The following LMNB2 variants were observed in gnomAD, a reference collection of about 807,000 sequenced individuals.
LMNB2 encodes lamin B2, also known as lamin-B2.
In LMNB2, 17 loss-of-function variants were observed where a neutral mutation model predicts 69.3. That is an observed-to-expected ratio of 0.25 (90% CI 0.17 to 0.37). LMNB2 has a LOEUF of 0.37. Ranked by LOEUF, LMNB2 falls within the 10% of genes least tolerant of loss-of-function variation. LMNB2 has a pLI of 1.00. For missense variants in LMNB2, 789 were observed against 883.6 expected, an observed-to-expected ratio of 0.89 and a Z score of 1.36; for synonymous variants, 397 against 389.3, an observed-to-expected ratio of 1.02 and a Z score of -0.23.
chr19:2,449,222 A>G (rs1971992173), intron 1 of LMNB2, among the ~76,000 whole-genome samples: 1 of 152,176 alleles, frequency 6.6e-6, no homozygotes, highest in African/African-American at 2.4e-5. Flanking sequence ...ATGCTCACAT[A>G]CTTACCATTG....
intron 4 of LMNB2, 22 bp from the exon 5 acceptor site, chr19:2,435,193 C>G (rs1186546998): frequency 6.3e-7 from 1 of 1,598,196 alleles, no homozygotes; most frequent in Non-Finnish European, 8.5e-7. Context: ...GGCTTCGTGA[C>G]CCTCTGGTCC....
rs1440075723 is a variant in LMNB2 at position 2,434,905 on chromosome 19, G to A, written c.864C>T (p.Ser288=). ...LEQTYQAKLD[S]AKLSSDQNDK... ...CGTTCTGGTCAGAGCTCAGCTTGGC[G>A]CTGTCCAGCTGTGGGGAGACGGGCG... The change falls in exon 6 of 12, where the codon AGC becomes AGT. Residue 288 remains serine, a synonymous_variant. Transcript: ENST00000325327. 2.3e-5 allele frequency: 37 copies of A among 1,603,422 alleles called. 1 individual carries two copies. The highest frequency in any genetic ancestry group is 4.5e-5 in the East Asian group (2 of 44,774).
Position 2,434,122 on chromosome 19 carries a change from G to C in LMNB2, c.1203-17C>G, listed in dbSNP as rs1437274132. On this transcript the variant is annotated splice_polypyrimidine_tract_variant and intron_variant, in intron 7 of 11. Transcript: ENST00000325327. ...AGCTTCAGCCTGTGGGGAAGGCAAG[G>C]AAGGTGGGACTGGTAGTGGGAGCCC... The C allele has an allele frequency of 6.3e-7, 1 of 1,575,444 alleles. No individual in the cohort carries two copies. Among genetic ancestry groups the C allele is most frequent in the African/African-American group, 1.3e-5 (1 of 74,266 alleles).
At chr19:2,440,616 A>G (rs978106737) in intron 2 of LMNB2, among the ~76,000 whole-genome samples, 1 of 150,464 alleles carries the variant, frequency 6.6e-6, no homozygotes, top group Non-Finnish European at 1.5e-5. Context: ...CCATCCACCC[A>G]TCATCCATCC....
chr19:2,435,839 C>T (rs1486387245), intron 4 of LMNB2, among the ~76,000 whole-genome samples: 1 of 151,988 alleles, frequency 6.6e-6, no homozygotes, highest in Non-Finnish European at 1.5e-5. Context: ...AAGTGACTCT[C>T]TCTTATAAAA....
In LMNB2 at chr19:2,430,704, AG is replaced by A. The variant is rs1457155090; in HGVS notation, c.*206del. The A allele has an allele frequency of 1.4e-5, 9 of 646,860 alleles. No individual in the cohort carries two copies. The highest frequency in any genetic ancestry group is 2.6e-5 in the Non-Finnish European group (9 of 351,552). 40.1% of individuals were successfully genotyped at this position (646,860 alleles called of 1,614,324 possible). On this transcript the variant is annotated 3_prime_UTR_variant, in exon 12 of 12. Coordinates refer to ENST00000325327, the MANE Select transcript of LMNB2 (RefSeq NM_032737.4). ...GATGAGGAGTGGGGTGGGATTGAAA[AG>A]TCTCCGGGGCAGCGGCGAAGTGGCA...
At chr19:2,444,104 CA>C (rs1971927431) in intron 2 of LMNB2, among the ~76,000 whole-genome samples, 1 of 152,198 alleles carries the variant, frequency 6.6e-6, no homozygotes, top group Admixed American at 6.5e-5. Context: ...AGCGCGTGTG[CA>C]CACTAAGGAG....
At chr19:2,433,454 G>A (rs374031647) in intron 8 of LMNB2, among the ~76,000 whole-genome samples, 24 of 26,540 alleles carry the variant, frequency 9.0e-4, no homozygotes, top group Middle Eastern at 0.022. Flanking sequence ...CCTGACCCTG[G>A]TCACCCCCAT....
chr19:2,446,016 T>C (rs1374339024), intron 1 of LMNB2, among the ~76,000 whole-genome samples: 3 of 21,074 alleles, frequency 1.4e-4, no homozygotes, highest in Non-Finnish European at 1.6e-4. Context: ...CCCCACCAGC[T>C]GCCCCCACCT....
Position 2,443,112 on chromosome 19 carries a change from G to A in LMNB2, c.401+1292C>T, listed in dbSNP as rs376892335. On this transcript the variant is annotated intron_variant, in intron 2 of 11. Transcript: ENST00000325327. The surrounding 1 kb of genome is among the most constrained non-coding windows in gnomAD (Gnocchi z 6.2). ...CAGAGCTGCTGCCTGAGCAGGTCCCGGGGTGCACCTGTGCTGTGTGGGATG... is the reference window on the plus strand; with the variant it reads ...CAGAGCTGCTGCCTGAGCAGGTCCCAGGGTGCACCTGTGCTGTGTGGGATG... Among the ~76,000 whole-genome samples the A allele has an allele frequency of 6.6e-6, 1 of 152,216 alleles. No homozygotes were observed. Among genetic ancestry groups the A allele is most frequent in the Non-Finnish European group, 1.5e-5 (1 of 68,028 alleles).
At chr19:2,450,440 CAACTTTGG>C (rs76998027) in intron 1 of LMNB2, among the ~76,000 whole-genome samples, 11,119 of 151,788 alleles carry the variant, frequency 0.073, 623 homozygotes, top group East Asian at 0.28. Flanking sequence ...TGCAGTCCTA[CAACTTTGG>C]GAGGCTGAGG....
chr19:2,443,310 A>G lies in LMNB2; in HGVS notation c.401+1094T>C, dbSNP rs1971917783. On this transcript the variant is annotated intron_variant, in intron 2 of 11. Coordinates refer to ENST00000325327, the MANE Select transcript of LMNB2 (RefSeq NM_032737.4). The surrounding 1 kb of genome is among the most constrained non-coding windows in gnomAD (Gnocchi z 6.2). ...GTTGGGGAAGGGAAGTCAGCTCTCC[A>G]CGGGAGCAGCGCCAGCCCAGGAAGG... Among the ~76,000 whole-genome samples the G allele has an allele frequency of 6.6e-6, 1 of 152,162 alleles. No individual in the cohort carries two copies. The highest frequency in any genetic ancestry group is 1.5e-5 in the Non-Finnish European group (1 of 68,006).
rs1971707612 is a variant in LMNB2 at position 2,429,544 on chromosome 19, G to A, written c.*1367C>T. On this transcript the variant is annotated 3_prime_UTR_variant, in exon 12 of 12. Coordinates refer to ENST00000325327, the MANE Select transcript of LMNB2 (RefSeq NM_032737.4). ...CACAGGCAGGTCCCCAGGGAGGCGG[G>A]ATGCAGTCACAGGGGAGCGGTGCCG... The A allele has an allele frequency of 1.3e-5, 2 of 152,282 alleles. No homozygotes were observed. The allele number at this position is 152,282 out of a possible 1,614,324, so 9.4% of individuals were successfully genotyped here.
At chr19:2,432,892 G>A (rs1422831309) in intron 8 of LMNB2, among the ~76,000 whole-genome samples, 1 of 71,434 alleles carries the variant, frequency 1.4e-5, no homozygotes, top group Admixed American at 1.4e-4. Flanking sequence ...CTTGTCCCCT[G>A]CCTCGCATTG....
chr19:2,447,679 A>C lies in LMNB2; in HGVS notation c.265-3139T>G, dbSNP rs1162933935. Among the ~76,000 whole-genome samples the C allele has an allele frequency of 6.6e-6, 1 of 152,180 alleles. No homozygotes were observed. Among genetic ancestry groups the C allele is most frequent in the Non-Finnish European group, 1.5e-5 (1 of 68,022 alleles). ...GATGTTCCCACAGCCCTACAGGGCCAAGGGTGTCTATGCAAGGTGGGTACA... is the reference window on the plus strand; with the variant it reads ...GATGTTCCCACAGCCCTACAGGGCCCAGGGTGTCTATGCAAGGTGGGTACA... On this transcript the variant is annotated intron_variant, in intron 1 of 11. Transcript: ENST00000325327. The surrounding 1 kb of genome is among the most constrained non-coding windows in gnomAD (Gnocchi z 4.4).
chr19:2,431,646 T>C lies in LMNB2; in HGVS notation c.1723A>G (p.Arg575Gly). 6.2e-7 allele frequency: 1 copy of C among 1,614,140 alleles called. No homozygotes were observed. The highest frequency in any genetic ancestry group is 8.5e-7 in the Non-Finnish European group (1 of 1,180,008). The part of the protein sequence containing the change: ...VNADGEEVAM[R>G]TVKKSSVMRE... Reference sequence around the variant, plus strand: ...ATCACCGAGGACTTCTTCACAGTCCTCATGGCCACTTCCTGTGCGGGACAG... The same window carrying C: ...ATCACCGAGGACTTCTTCACAGTCCCCATGGCCACTTCCTGTGCGGGACAG... The change falls in exon 11 of 12, where the codon AGG (arginine) becomes GGG (glycine). Residue 575 changes from arginine to glycine, a missense_variant. Coordinates refer to ENST00000325327, the MANE Select transcript of LMNB2 (RefSeq NM_032737.4).
rs758288742 is a variant in LMNB2, at chr19:2,433,832, C to T, written c.1476G>A (p.Ser492=). The stretch of plus-strand genomic sequence containing the variant: ...CCCCGGTCTTTCCGGTCACCTTGTC[C>T]GAGTTGTTCTTGAGCTGCACAAACT... The part of the protein sequence containing the change: ...EGKFVQLKNN[S]DKDQSLGNWR... Residue 492 remains serine, a synonymous_variant, in exon 8 of 12, where the codon TCG becomes TCA. Coordinates refer to ENST00000325327, the MANE Select transcript of LMNB2 (RefSeq NM_032737.4). 8 of 1,613,438 alleles carry T rather than the reference C, an allele frequency of 5.0e-6. No homozygotes were observed. Among genetic ancestry groups the T allele is most frequent in the East Asian group, 2.2e-5 (1 of 44,876 alleles).
At chr19:2,442,641 G>A (rs1010878476) in intron 2 of LMNB2, among the ~76,000 whole-genome samples, 7 of 152,216 alleles carry the variant, frequency 4.6e-5, no homozygotes, top group African/African-American at 1.4e-4. Flanking sequence ...CAGCTACTCG[G>A]GGTGGGGCTG....
chr19:2,433,647 CCG>C (rs1971776939), intron 8 of LMNB2, among the ~76,000 whole-genome samples, 177 bp downstream of exon 8: 3 of 89,894 alleles, frequency 3.3e-5, no homozygotes, highest in African/African-American at 1.9e-4. Context: ...GCCGGCGGCC[CCG>C]TCACCCTGAC....
Sources: gnomAD v4.1 joint callset for allele counts (sites outside exome capture counted in the v4.1 genomes callset) on GRCh38, gnomAD v4.1.1 for gene constraint, Gnocchi (gnomAD v3.1) non-coding constraint, MANE v1.5 for transcripts, NCBI Gene and HGNC (gene_info 2026-07-23, HGNC 2026-07-21) for gene names.